ZNF385D: variants seen among roughly 807,000 people sequenced by gnomAD.
ZNF385D encodes zinc finger protein 385D, also known as zinc finger protein 659.
Under a neutral mutation model 35.8 loss-of-function variants are expected in ZNF385D, and 15 were observed. That is an observed-to-expected ratio of 0.42 (90% CI 0.28 to 0.64). The LOEUF (loss-of-function observed/expected upper bound fraction) is 0.64. Ranked by LOEUF, ZNF385D falls within the 30% of genes least tolerant of loss-of-function variation. The pLI is 0.23. For missense variants in ZNF385D, 474 were observed against 494.6 expected (o/e 0.96, Z 0.39); for synonymous variants, 212 against 186.8 (o/e 1.13, Z -1.10).
At chr3:21,720,161 G>C (rs1484914133) in intron 1 of ZNF385D, among the ~76,000 whole-genome samples, 1 of 152,160 alleles carries the variant, frequency 6.6e-6, no homozygotes, top group Non-Finnish European at 1.5e-5. Flanking sequence ...CTTTCCTCAG[G>C]TGACTGAAAT....
intron 3 of ZNF385D, among the ~76,000 whole-genome samples, chr3:22,040,597 G>A (rs1358507266): frequency 1.3e-5 from 2 of 152,194 alleles, no homozygotes; most frequent in African/African-American, 4.8e-5. Flanking sequence ...GTTATTAAAT[G>A]TGTAGTCTCA....
At chr3:22,030,302 T>TATATA (rs3047003) in intron 3 of ZNF385D, among the ~76,000 whole-genome samples, 1 of 95,920 alleles carries the variant, frequency 1.0e-5, no homozygotes. Context: ...TATATATATA[T>TATATA]CCTATTTGGT....
At chr3:22,041,340 C>A (rs900800548) in intron 3 of ZNF385D, among the ~76,000 whole-genome samples, 1 of 151,924 alleles carries the variant, frequency 6.6e-6, no homozygotes, top group East Asian at 1.9e-4. Context: ...CCATGCCCAC[C>A]CCAGAGAGAA....
chr3:21,805,716 C>T (rs916219834), intron 3 of ZNF385D, among the ~76,000 whole-genome samples: 1 of 152,286 alleles, frequency 6.6e-6, no homozygotes, highest in South Asian at 2.1e-4. Flanking sequence ...TATAGCAACA[C>T]TGACAAGACT....
At chr3:22,246,159 T>C (rs140839672) in intron 2 of ZNF385D, among the ~76,000 whole-genome samples, 1 of 152,170 alleles carries the variant, frequency 6.6e-6, no homozygotes, top group South Asian at 2.1e-4. Context: ...ATACAACTAT[T>C]TTAATACTTC....
intron 2 of ZNF385D, among the ~76,000 whole-genome samples, chr3:22,207,853 G>A (rs1196804204): frequency 3.3e-5 from 5 of 151,850 alleles, no homozygotes. Context: ...GATCATCAGA[G>A]AAATGCAGAT....
At chr3:22,031,705 A>G (rs1698014233) in intron 3 of ZNF385D, among the ~76,000 whole-genome samples, 1 of 151,940 alleles carries the variant, frequency 6.6e-6, no homozygotes, top group Non-Finnish European at 1.5e-5. Context: ...CTGGTTATTA[A>G]CATTTGCCTT....
At chr3:22,066,976 G>A (rs115978048) in intron 3 of ZNF385D, among the ~76,000 whole-genome samples, 1 of 152,118 alleles carries the variant, frequency 6.6e-6, no homozygotes, top group African/African-American at 2.4e-5. Context: ...CATCAAGTCA[G>A]CAATGGATTA....
intron 3 of ZNF385D, among the ~76,000 whole-genome samples, chr3:22,123,949 T>A (rs1169482274): frequency 9.7e-6 from 1 of 103,538 alleles, no homozygotes; most frequent in Non-Finnish European, 2.0e-5. Flanking sequence ...TCTCTCTCTC[T>A]CTCTCTCTCT....
At chr3:21,826,430 C>T (rs1418177555) in intron 3 of ZNF385D, among the ~76,000 whole-genome samples, 2 of 152,090 alleles carry the variant, frequency 1.3e-5, no homozygotes, top group African/African-American at 4.8e-5. Context: ...CTAGGTGACA[C>T]TAGTTGGAAG....
intron 3 of ZNF385D, among the ~76,000 whole-genome samples, chr3:21,971,418 C>G (rs923243351): frequency 2.0e-5 from 3 of 151,586 alleles, no homozygotes; most frequent in South Asian, 4.1e-4. Context: ...AGTTTAAAAT[C>G]ATGGGTTATA....
chr3:21,895,375 T>C (rs1388782083), intron 3 of ZNF385D, among the ~76,000 whole-genome samples: 3 of 139,242 alleles, frequency 2.2e-5, no homozygotes, highest in Non-Finnish European at 4.6e-5. Flanking sequence ...TCACCCTGAC[T>C]GCAGTGTAAT....
At chr3:21,462,883 G>A (rs191420661) in intron 4 of ZNF385D, among the ~76,000 whole-genome samples, 21 of 152,292 alleles carry the variant, frequency 1.4e-4, no homozygotes, top group African/African-American at 5.1e-4. Flanking sequence ...TCAGGAAGTT[G>A]AGGCAGCAGA....
intron 2 of ZNF385D, among the ~76,000 whole-genome samples, chr3:22,344,936 C>T (rs1213318973): frequency 6.6e-6 from 1 of 152,134 alleles, no homozygotes; most frequent in Non-Finnish European, 1.5e-5. Flanking sequence ...TCAGCCCTAT[C>T]CAAGTGAGAA....
intron 2 of ZNF385D, among the ~76,000 whole-genome samples, chr3:22,285,238 T>G (rs1701964780): frequency 6.6e-6 from 1 of 152,158 alleles, no homozygotes; most frequent in Admixed American, 6.6e-5. Flanking sequence ...CTACAATGTT[T>G]TTGGTGATAA....
At chr3:21,784,709 A>G (rs1336397290) in intron 3 of ZNF385D, among the ~76,000 whole-genome samples, 2 of 151,992 alleles carry the variant, frequency 1.3e-5, no homozygotes, top group South Asian at 2.1e-4. Context: ...GACATTTCCT[A>G]TTTTAAGATA....
At chr3:22,207,522 T>C (rs770126681) in intron 2 of ZNF385D, among the ~76,000 whole-genome samples, 5 of 151,892 alleles carry the variant, frequency 3.3e-5, no homozygotes, top group Non-Finnish European at 7.4e-5. Flanking sequence ...TTCCACACAT[T>C]GGACTGGGCA....
At chr3:21,445,821 A>G (rs1474203594) in intron 4 of ZNF385D, among the ~76,000 whole-genome samples, 2 of 152,198 alleles carry the variant, frequency 1.3e-5, no homozygotes, top group East Asian at 1.9e-4. Context: ...TGGCATAGCA[A>G]TAAAAAAGCA....
chr3:22,197,276 T>G (rs1016717231), intron 2 of ZNF385D, among the ~76,000 whole-genome samples: 2 of 152,066 alleles, frequency 1.3e-5, no homozygotes, highest in African/African-American at 4.8e-5. Flanking sequence ...ACTTTTATTC[T>G]AGGCTCCTTC....
Sources: allele counts gnomAD v4.1 joint callset (sites outside exome capture counted in the v4.1 genomes callset), GRCh38; gene constraint gnomAD v4.1.1; transcripts MANE v1.5; gene names NCBI Gene and HGNC (gene_info 2026-07-23, HGNC 2026-07-21).